The following GIT1 variants were observed in gnomAD, a reference collection of about 807,000 sequenced individuals.
GIT1 encodes ARF GTPase-activating protein GIT1.
In GIT1, 14 loss-of-function variants were observed where a neutral mutation model predicts 91.7. The observed-to-expected ratio is 0.15, with a 90% CI of 0.10 to 0.24. GIT1 has a LOEUF of 0.24. GIT1 is among the 10% of genes least tolerant of loss of function. The pLI is 1.00. For missense variants in GIT1, 717 were observed against 1,024.9 expected, an observed-to-expected ratio of 0.70 and a Z score of 4.10; for synonymous variants, 414 against 418.2, an observed-to-expected ratio of 0.99 and a Z score of 0.12.
intron 1 of GIT1, among the ~76,000 whole-genome samples, chr17:29,584,336 GC>G (rs2033509794): frequency 6.6e-6 from 1 of 152,250 alleles, no homozygotes; most frequent in African/African-American, 2.4e-5. Context: ...GAGTAGAATT[GC>G]CAGGATGTGG....
chr17:29,580,432 A>C (rs2033358627), intron 7 of GIT1, among the ~76,000 whole-genome samples: 1 of 152,230 alleles, frequency 6.6e-6, no homozygotes, highest in South Asian at 2.1e-4. Flanking sequence ...TCCTCTCTCC[A>C]GATCCAGGCC....
chr17:29,581,769 C>A lies in GIT1; in HGVS notation c.691G>T (p.Ala231Ser). 1 of 1,611,662 alleles carries A rather than the reference C, an allele frequency of 6.2e-7. No individual in the cohort carries two copies. Among genetic ancestry groups the A allele is most frequent in the Non-Finnish European group, 8.5e-7 (1 of 1,179,914 alleles). The change falls in exon 6 of 20, where the codon GCC becomes TCC. Residue 231 changes from alanine (A) to serine (S), a missense_variant. Physicochemically the swap from Ala to Ser is moderately conservative, Grantham distance 99. Around this residue, in one of 3 missense-constraint regions of GIT1, gnomAD observed 271 missense variants for 451.6 expected, o/e 0.60. Coordinates refer to ENST00000225394, the MANE Select transcript of GIT1 (RefSeq NM_014030.4). This position sits in a 1 kb window ranked among gnomAD's most constrained non-coding sequence, Gnocchi z 4.8. ...GGCTTGCGTCCACAGAGGTAGAAGG[C>A]CAGCCGGTCAGTGAGCTCATATTGG... The part of the protein sequence containing the change: ...ECQYELTDRL[A>S]FYLCGRKPDH...
chr17:29,581,670 G>C lies in GIT1; in HGVS notation c.718+72C>G. The C allele has an allele frequency of 2.6e-6, 3 of 1,162,938 alleles. No individual in the cohort carries two copies. The highest frequency in any genetic ancestry group is 3.8e-6 in the Non-Finnish European group (3 of 786,504). The allele number at this position is 1,162,938 out of a possible 1,614,324, so 72.0% of individuals were successfully genotyped here. A position where few individuals can be genotyped will look rare whatever the true frequency, so the allele number is the denominator to read the frequency against. Reference sequence around the variant, plus strand: ...CTGTCACCATGGCACCTGCTGCCGGGTGCGTCCAGGTCCCACCTGCCCAGC... The same window carrying C: ...CTGTCACCATGGCACCTGCTGCCGGCTGCGTCCAGGTCCCACCTGCCCAGC... On this transcript the variant is annotated intron_variant, in intron 6 of 19. Coordinates refer to ENST00000225394, the MANE Select transcript of GIT1 (RefSeq NM_014030.4). This position sits in a 1 kb window ranked among gnomAD's most constrained non-coding sequence, Gnocchi z 4.8.
rs1340808333 is a variant in GIT1 at position 29,581,806 on chromosome 17, C to T, written c.654G>A (p.Arg218=). Residue 218 remains arginine, a synonymous_variant, in exon 6 of 20, where the codon AGG becomes AGA. Transcript: ENST00000225394. The surrounding 1 kb of genome is among the most constrained non-coding windows in gnomAD (Gnocchi z 4.8). ...RQAGHHELAE[R]LVECQYELTD... is the part of the protein sequence containing the mutation. The stretch of plus-strand genomic sequence containing the variant: ...TGAGCTCATATTGGCACTCAACCAG[C>T]CTTTCCGCCAGCTCATGGTGCCCCG... The T allele has an allele frequency of 6.2e-7, 1 of 1,612,664 alleles. No homozygotes were observed. Among genetic ancestry groups the T allele is most frequent in the Non-Finnish European group, 8.5e-7 (1 of 1,179,976 alleles).
intron 10 of GIT1, among the ~76,000 whole-genome samples, 198 bp downstream of exon 10, chr17:29,577,447 C>T (rs751439850): frequency 1.3e-5 from 2 of 152,106 alleles, no homozygotes; most frequent in Non-Finnish European, 2.9e-5. Flanking sequence ...GAGCAGAGGC[C>T]GGAACACCCA....
chr17:29,579,976 C>T (rs2033343754), intron 7 of GIT1, among the ~76,000 whole-genome samples: 1 of 152,160 alleles, frequency 6.6e-6, no homozygotes, highest in Non-Finnish European at 1.5e-5. Flanking sequence ...TCGTCTCTAT[C>T]CCAGTCTTGC....
At position 29,576,555 on chromosome 17, in the gene GIT1, G is replaced by A. The variant is rs2033210532; in HGVS notation, c.1347C>T (p.Ser449=). ...KVQQLMKVNS[S]LSDELRRLQR... is the part of the protein sequence containing the mutation. Reference sequence around the variant, plus strand: ...GCAGCCTCCGGAGCTCGTCGCTCAGGCTACTGTTGACCTTCATGAGCTGCT... The same window carrying A: ...GCAGCCTCCGGAGCTCGTCGCTCAGACTACTGTTGACCTTCATGAGCTGCT... Residue 449 remains serine, a synonymous_variant, in exon 13 of 20, where the codon AGC becomes AGT. Transcript: ENST00000225394. 2 of 1,613,958 alleles carry A rather than the reference G, an allele frequency of 1.2e-6. No individual in the cohort carries two copies. The highest frequency in any genetic ancestry group is 1.6e-4 in the Middle Eastern group (1 of 6,062).
chr17:29,580,796 G>A (rs1392447582), intron 7 of GIT1, among the ~76,000 whole-genome samples: 15 of 149,862 alleles, frequency 1.0e-4, no homozygotes, highest in Non-Finnish European at 1.9e-4. Flanking sequence ...TTTTTGAGAC[G>A]GAGTTTGGAG....
Position 29,582,064 on chromosome 17 carries a change from G to A in GIT1, c.486C>T (p.Phe162=). The A allele has an allele frequency of 1.2e-6, 2 of 1,609,776 alleles. No homozygotes were observed. The highest frequency in any genetic ancestry group is 1.7e-6 in the Non-Finnish European group (2 of 1,179,944). The change falls in exon 5 of 20, where the codon TTC becomes TTT. Residue 162 remains phenylalanine, a synonymous_variant. Transcript: ENST00000225394. ...GAGGTGTGGTGCCCTTCTCTGGGTG[G>A]AAGAAGTTGGCCTGGGCACCCAGGG... The part of the protein sequence containing the change: ...LLSLGAQANF[F]HPEKGTTPLH...
At chr17:29,580,613 C>T (rs982696544) in intron 7 of GIT1, among the ~76,000 whole-genome samples, 3 of 152,182 alleles carry the variant, frequency 2.0e-5, no homozygotes, top group South Asian at 2.1e-4. Flanking sequence ...ATTCTGAGCA[C>T]GCTAGAGGCC....
intron 1 of GIT1, 31 bp from the exon 2 acceptor site, chr17:29,583,647 G>A: frequency 6.5e-7 from 1 of 1,549,608 alleles, no homozygotes; most frequent in Admixed American, 1.9e-5. Flanking sequence ...GTCAGCCGGA[G>A]CCAGATGATG....
rs569157701 is a variant in GIT1 at position 29,576,647 on chromosome 17, C to G, written c.1255G>C (p.Gly419Arg). 1.2e-6 allele frequency: 2 copies of G among 1,613,986 alleles called. No individual in the cohort carries two copies. Among genetic ancestry groups the G allele is most frequent in the Non-Finnish European group, 8.5e-7 (1 of 1,179,990 alleles). ...RSMDSSDLSD[G>R]AVTLQEYLEL... ...AGGTACTCCTGCAGCGTCACAGCCC[C>G]GTCAGACAAGTCCGAGGAGTCCATG... Residue 419 changes from glycine (G) to arginine (R), a missense_variant, in exon 13 of 20, where the codon GGG becomes CGG. Coordinates refer to ENST00000225394, the MANE Select transcript of GIT1 (RefSeq NM_014030.4).
chr17:29,577,624 C>G (rs543011961), intron 10 of GIT1, 21 bp downstream of exon 10: 1 of 1,500,156 alleles, frequency 6.7e-7, no homozygotes, highest in African/African-American at 1.4e-5. Flanking sequence ...CCACCCCAGG[C>G]CCCCAATCCA....
Position 29,589,496 on chromosome 17 carries a change from C to T in GIT1, c.-118G>A, listed in dbSNP as rs1332565746. On this transcript the variant is annotated 5_prime_UTR_variant, in exon 1 of 20. Coordinates refer to ENST00000225394, the MANE Select transcript of GIT1 (RefSeq NM_014030.4). This position sits in a 1 kb window ranked among gnomAD's most constrained non-coding sequence, Gnocchi z 5.2. ...CGGCTCCGGCGAGGCCCCGGCGAGGCTCCGCGCGCCCGGCCAACCGTCCGC... is the reference window on the plus strand; with the variant it reads ...CGGCTCCGGCGAGGCCCCGGCGAGGTTCCGCGCGCCCGGCCAACCGTCCGC... 1.1e-5 allele frequency: 3 copies of T among 267,730 alleles called. 1 individual carries two copies. The highest frequency in any genetic ancestry group is 2.6e-4 in the South Asian group (2 of 7,624). 16.6% of individuals were successfully genotyped at this position (267,730 alleles called of 1,614,324 possible). A position where few individuals can be genotyped will look rare whatever the true frequency, so the allele number is the denominator to read the frequency against.
rs2033314691 is a variant in GIT1 at position 29,579,150 on chromosome 17, C to T, written c.762-371G>A. The T allele has an allele frequency of 1.1e-5, 7 of 650,272 alleles. No individual in the cohort carries two copies. The Admixed American group carries it at 1.8e-4, about 17-fold the overall frequency. The allele number at this position is 650,272 out of a possible 1,614,324, so 40.3% of individuals were successfully genotyped here. A position where few individuals can be genotyped will look rare whatever the true frequency, so the allele number is the denominator to read the frequency against. On this transcript the variant is annotated intron_variant, in intron 7 of 19. Transcript: ENST00000225394. Reference sequence around the variant, plus strand: ...ATTCATCTCACCGCGTCCCCCACCCCTCCTCCTCTGGCTTGCTCTTCCTCT... The same window carrying T: ...ATTCATCTCACCGCGTCCCCCACCCTTCCTCCTCTGGCTTGCTCTTCCTCT...
At chr17:29,583,642 C>A (rs1390468146) in intron 1 of GIT1, 26 bp from the exon 2 acceptor site, 6 of 1,554,512 alleles carry the variant, frequency 3.9e-6, no homozygotes, top group Non-Finnish European at 5.2e-6. Context: ...CAAGGGTCAG[C>A]CGGAGCCAGA....
chr17:29,578,817 G>C (rs758464709), intron 7 of GIT1, 38 bp from the exon 8 acceptor site: 2 of 1,603,278 alleles, frequency 1.2e-6, no homozygotes, highest in African/African-American at 2.7e-5. Flanking sequence ...GAGGAGAGGA[G>C]AGACCTGAGA....
rs2033728524 is a variant in GIT1 at position 29,589,391 on chromosome 17, C to T, written c.-13G>A. On this transcript the variant is annotated 5_prime_UTR_variant, in exon 1 of 20. Coordinates refer to ENST00000225394, the MANE Select transcript of GIT1 (RefSeq NM_014030.4). This position sits in a 1 kb window ranked among gnomAD's most constrained non-coding sequence, Gnocchi z 5.2. Reference sequence around the variant, plus strand: ...CCTTTCGGGACATCCTCAGCGGCGACGCGGCCGCAGCCCTCTGGGCCAGCG... The same window carrying T: ...CCTTTCGGGACATCCTCAGCGGCGATGCGGCCGCAGCCCTCTGGGCCAGCG... The T allele has an allele frequency of 1.9e-6, 2 of 1,047,756 alleles. No homozygotes were observed. Among genetic ancestry groups the T allele is most frequent in the South Asian group, 2.9e-5 (1 of 33,936 alleles). The allele number at this position is 1,047,756 out of a possible 1,614,324, so 64.9% of individuals were successfully genotyped here. A position where few individuals can be genotyped will look rare whatever the true frequency, so the allele number is the denominator to read the frequency against.
intron 11 of GIT1, 37 bp from the exon 12 acceptor site, chr17:29,577,033 C>T (rs1163802622): frequency 5.0e-6 from 8 of 1,605,950 alleles, no homozygotes; most frequent in Non-Finnish European, 5.9e-6. Flanking sequence ...CCACACTCCA[C>T]CACACAACCC....
Sources: allele counts gnomAD v4.1 joint callset (sites outside exome capture counted in the v4.1 genomes callset), GRCh38; gene constraint gnomAD v4.1.1; regional missense constraint gnomAD v4.1.1; non-coding constraint Gnocchi (gnomAD v3.1); transcripts MANE v1.5; gene names NCBI Gene and HGNC (gene_info 2026-07-23, HGNC 2026-07-21).